The following RBFOX1 variants were observed in gnomAD, a reference collection of about 807,000 sequenced individuals.
The protein encoded by RBFOX1 is RNA binding protein fox-1 homolog 1.
A neutral mutation model predicts 57.7 loss-of-function variants in RBFOX1; 8 were observed. That is an observed-to-expected ratio of 0.14 (90% CI 0.08 to 0.25). The LOEUF is 0.25. Among genes scored for constraint, RBFOX1 ranks in the 10% least tolerant of loss-of-function variants. RBFOX1 has a pLI of 1.00. For missense variants in RBFOX1, 611 were observed against 548.5 expected (o/e 1.11, Z -1.14); for synonymous variants, 326 against 222.4 (o/e 1.47, Z -4.15).
intron 1 of RBFOX1, among the ~76,000 whole-genome samples, chr16:6,132,194 G>A (rs1454550215): frequency 6.6e-6 from 1 of 152,134 alleles, no homozygotes; most frequent in Non-Finnish European, 1.5e-5. Context: ...AAGATTTCAC[G>A]ATCATGGGGG....
At chr16:6,461,194 C>T (rs533726051) in intron 2 of RBFOX1, among the ~76,000 whole-genome samples, 35 of 152,188 alleles carry the variant, frequency 2.3e-4, no homozygotes, top group Non-Finnish European at 4.9e-4. Flanking sequence ...TGCAGCAGCC[C>T]ATCATGGCAC....
At chr16:7,145,085 T>G (rs574892952) in intron 4 of RBFOX1, among the ~76,000 whole-genome samples, 1 of 152,326 alleles carries the variant, frequency 6.6e-6, no homozygotes, top group South Asian at 2.1e-4. Flanking sequence ...AATCCTAGCT[T>G]GACAGTGATC....
chr16:7,573,264 C>A (rs150091963), intron 5 of RBFOX1, among the ~76,000 whole-genome samples: 3 of 152,234 alleles, frequency 2.0e-5, no homozygotes, highest in East Asian at 1.9e-4. Context: ...AAGAGGCCAA[C>A]AAGCGACAAT....
intron 4 of RBFOX1, among the ~76,000 whole-genome samples, chr16:7,064,058 A>G (rs2055292666): frequency 6.6e-6 from 1 of 152,220 alleles, no homozygotes; most frequent in East Asian, 1.9e-4. Flanking sequence ...TCTAGCCTCT[A>G]GTAACTCAGA....
At chr16:5,404,931 G>C (rs779311900) in intron 1 of RBFOX1, among the ~76,000 whole-genome samples, 18 of 152,230 alleles carry the variant, frequency 1.2e-4, no homozygotes, top group Non-Finnish European at 2.4e-4. Flanking sequence ...TTCTGGGTCT[G>C]AGGAACTTTT....
At chr16:7,234,147 C>G (rs1169060951) in intron 4 of RBFOX1, among the ~76,000 whole-genome samples, 1 of 152,066 alleles carries the variant, frequency 6.6e-6, no homozygotes, top group Non-Finnish European at 1.5e-5. Context: ...CTGGCAGACG[C>G]TTTTGTCAGA....
At chr16:6,675,420 G>C (rs1291759479) in intron 3 of RBFOX1, among the ~76,000 whole-genome samples, 3 of 152,018 alleles carry the variant, frequency 2.0e-5, no homozygotes, top group African/African-American at 7.3e-5. Flanking sequence ...TTCCCAAGCA[G>C]AGCAAACTGG....
At chr16:5,826,231 TACAA>T (rs1251341872) in intron 3 of RBFOX1, among the ~76,000 whole-genome samples, 7 of 151,496 alleles carry the variant, frequency 4.6e-5, no homozygotes, top group African/African-American at 7.3e-5. Flanking sequence ...CTTACTCATT[TACAA>T]ACACTCTTCC....
At chr16:6,312,350 CTCT>C (rs530109674) in intron 1 of RBFOX1, among the ~76,000 whole-genome samples, 200 of 152,216 alleles carry the variant, frequency 1.3e-3, no homozygotes, top group African/African-American at 4.5e-3. Flanking sequence ...CTCTTCCACT[CTCT>C]TCTTCTTCTC....
chr16:6,280,143 C>T (rs2076225474), intron 1 of RBFOX1, among the ~76,000 whole-genome samples: 1 of 151,976 alleles, frequency 6.6e-6, no homozygotes, highest in Admixed American at 6.6e-5. Context: ...TGGGAAAACT[C>T]AGAAGGAAAA....
chr16:5,974,826 T>C (rs1038409050), intron 4 of RBFOX1, among the ~76,000 whole-genome samples: 3 of 151,902 alleles, frequency 2.0e-5, no homozygotes, highest in Admixed American at 1.3e-4. Flanking sequence ...CTGACCAACA[T>C]GGAGAAACCC....
intron 3 of RBFOX1, among the ~76,000 whole-genome samples, chr16:7,017,801 G>A (rs1034889761): frequency 7.9e-5 from 12 of 152,188 alleles, no homozygotes; most frequent in African/African-American, 2.7e-4. Flanking sequence ...ACATCGTGGT[G>A]TGCTTAAGCG....
At chr16:6,489,642 G>C (rs2095585820) in intron 2 of RBFOX1, among the ~76,000 whole-genome samples, 1 of 152,160 alleles carries the variant, frequency 6.6e-6, no homozygotes. Context: ...TGAAACAAAA[G>C]ACGTTTTTAG....
At position 5,576,502 on chromosome 16, in the gene RBFOX1, A is replaced by G. The variant is rs548674314; in HGVS notation, c.259-22400A>G. On this transcript the variant is annotated intron_variant, in intron 2 of 2. Transcript: ENST00000585867. ...CTTTTTTTCATCTGTGTGTATTGCAATTGCTTAACTGGAAAGTGATAATTT... is the reference window on the plus strand; with the variant it reads ...CTTTTTTTCATCTGTGTGTATTGCAGTTGCTTAACTGGAAAGTGATAATTT... Among the ~76,000 whole-genome samples the G allele has an allele frequency of 5.9e-5, 9 of 152,320 alleles. No homozygotes were observed. In the East Asian group the frequency reaches 1.5e-3, roughly 26 times the overall value.
chr16:5,869,652 C>T (rs550035990), intron 4 of RBFOX1, among the ~76,000 whole-genome samples: 1 of 152,266 alleles, frequency 6.6e-6, no homozygotes, highest in South Asian at 2.1e-4. Flanking sequence ...ATCTGCCCTC[C>T]TCGGCCTCCC....
chr16:7,252,360 C>G (rs1214430061), intron 4 of RBFOX1, among the ~76,000 whole-genome samples: 2 of 152,236 alleles, frequency 1.3e-5, no homozygotes, highest in Admixed American at 6.5e-5. Context: ...TCTGTGCTTG[C>G]TCATTACAAG....
At chr16:6,987,810 G>C (rs1365720317) in intron 3 of RBFOX1, among the ~76,000 whole-genome samples, 1 of 152,148 alleles carries the variant, frequency 6.6e-6, no homozygotes, top group East Asian at 1.9e-4. Context: ...GGGATGACTG[G>C]TCCGTGGAGT....
chr16:6,909,400 C>G (rs554265456), intron 3 of RBFOX1, among the ~76,000 whole-genome samples: 25 of 152,306 alleles, frequency 1.6e-4, no homozygotes, highest in South Asian at 8.3e-4. Flanking sequence ...TTTCAAGATC[C>G]TTTATTACAT....
chr16:7,044,051 C>A (rs188507478), intron 3 of RBFOX1, among the ~76,000 whole-genome samples: 1 of 152,268 alleles, frequency 6.6e-6, no homozygotes, highest in East Asian at 1.9e-4. Context: ...TTGTAATTAT[C>A]CATAGACTCA....
Sources: allele counts gnomAD v4.1 joint callset (sites outside exome capture counted in the v4.1 genomes callset), GRCh38; gene constraint gnomAD v4.1.1; transcripts MANE v1.5; gene names NCBI Gene and HGNC (gene_info 2026-07-23, HGNC 2026-07-21).